DCLK1: variants seen among roughly 807,000 people sequenced by gnomAD.
The protein encoded by DCLK1 is doublecortin like kinase 1, also known as serine/threonine-protein kinase DCLK1.
DCLK1 carries 16 observed loss-of-function variants against 86.2 expected under a neutral mutation model. The ratio of observed to expected loss-of-function variants is 0.19; its 90% CI spans 0.13 to 0.28. The LOEUF (loss-of-function observed/expected upper bound fraction) is 0.28, where lower values mean the gene tolerates loss of function less well. Among genes scored for constraint, DCLK1 ranks in the 10% least tolerant of loss-of-function variants. The pLI, the probability that DCLK1 is intolerant of heterozygous loss-of-function variation, is 1.00. For missense variants in DCLK1, 590 were observed against 940.2 expected (o/e 0.63, Z 4.87); for synonymous variants, 369 against 370.5 (o/e 1.00, Z 0.05).
At chr13:36,026,928 G>A (rs1237724634) in intron 3 of DCLK1, among the ~76,000 whole-genome samples, 1 of 152,192 alleles carries the variant, frequency 6.6e-6, no homozygotes, top group East Asian at 1.9e-4. Flanking sequence ...TATTGATATA[G>A]AGAGCTACCC....
At chr13:36,106,088 A>T (rs185702883) in intron 3 of DCLK1, among the ~76,000 whole-genome samples, 24 of 152,376 alleles carry the variant, frequency 1.6e-4, no homozygotes, top group East Asian at 1.3e-3. Context: ...TTCATTTTAC[A>T]GCGAGCTAGA....
intron 3 of DCLK1, among the ~76,000 whole-genome samples, chr13:36,095,253 T>C (rs911217225): frequency 3.9e-5 from 6 of 151,946 alleles, no homozygotes; most frequent in African/African-American, 7.2e-5. Context: ...TCGCCCAGGC[T>C]AGAGTGCCGT....
chr13:36,021,198 T>G (rs1225486017), intron 3 of DCLK1, among the ~76,000 whole-genome samples: 9 of 151,618 alleles, frequency 5.9e-5, no homozygotes, highest in African/African-American at 2.2e-4. Context: ...CTAGATTGTC[T>G]TATGATGATA....
In DCLK1 at chr13:36,092,289, A is replaced by G. The variant is rs1196076712; in HGVS notation, c.723+19580T>C. 2.0e-5 allele frequency among the ~76,000 whole-genome samples: 3 copies of G among 152,098 alleles called. No individual in the cohort carries two copies. The East Asian group carries it at 5.8e-4, about 29-fold the overall frequency. ...TTTCCTCATCTGTAAAAGAGAAAAA[A>G]ATAGTACTTACCTTCTAGAGTTGGT... On this transcript the variant is annotated intron_variant, in intron 3 of 16. Coordinates refer to ENST00000360631, the MANE Select transcript of DCLK1 (RefSeq NM_001330071.2).
In DCLK1 at chr13:36,044,000, T is replaced by G. The variant is rs560382188; in HGVS notation, c.723+67869A>C. ...TCTCATATTGAAATCTGATCCCCCA[T>G]GTTGGAGAGGGGCCTAGTGGGCGGT... On this transcript the variant is annotated intron_variant, in intron 3 of 16. Coordinates refer to ENST00000360631, the MANE Select transcript of DCLK1 (RefSeq NM_001330071.2). 3.3e-5 allele frequency among the ~76,000 whole-genome samples: 5 copies of G among 152,152 alleles called. No individual in the cohort carries two copies. In the South Asian group the frequency reaches 6.2e-4, roughly 19 times the overall value.
At chr13:35,958,201 CCAT>C (rs1878208060) in intron 3 of DCLK1, among the ~76,000 whole-genome samples, 6 of 148,260 alleles carry the variant, frequency 4.0e-5, no homozygotes, top group Non-Finnish European at 6.0e-5. Flanking sequence ...ACCACCACCA[CCAT>C]TATAACCATC....
At chr13:36,123,343 G>GA (rs1886059058) in intron 2 of DCLK1, among the ~76,000 whole-genome samples, 2 of 152,020 alleles carry the variant, frequency 1.3e-5, no homozygotes, top group African/African-American at 2.4e-5. Flanking sequence ...TTATGAATTA[G>GA]AAAAAAAATC....
intron 3 of DCLK1, among the ~76,000 whole-genome samples, chr13:36,078,261 CAT>C (rs1416491870): frequency 6.6e-6 from 1 of 152,196 alleles, no homozygotes; most frequent in Non-Finnish European, 1.5e-5. Context: ...CTATGAGAAA[CAT>C]ATGTTTGCTG....
intron 5 of DCLK1, among the ~76,000 whole-genome samples, chr13:35,864,556 C>T (rs1871642279): frequency 1.9e-5 from 1 of 52,262 alleles, no homozygotes; most frequent in African/African-American, 1.1e-4. Context: ...CAGAGCGAGA[C>T]TCCGTCTCAA....
intron 4 of DCLK1, among the ~76,000 whole-genome samples, chr13:35,921,873 G>A (rs1282924708): frequency 6.6e-6 from 1 of 152,172 alleles, no homozygotes; most frequent in East Asian, 1.9e-4. Flanking sequence ...TGCCACCCCA[G>A]GAGCTGGGAG....
intron 4 of DCLK1, among the ~76,000 whole-genome samples, chr13:35,915,366 A>G (rs1461223941): frequency 1.3e-5 from 2 of 152,154 alleles, no homozygotes; most frequent in Non-Finnish European, 2.9e-5. Flanking sequence ...GTATCCCCAA[A>G]CTATATTCCC....
chr13:35,903,475 G>A (rs532638192), intron 4 of DCLK1, among the ~76,000 whole-genome samples: 7 of 151,710 alleles, frequency 4.6e-5, no homozygotes, highest in African/African-American at 1.7e-4. Context: ...CTATTTCATT[G>A]CCATCTACTT....
intron 4 of DCLK1, among the ~76,000 whole-genome samples, chr13:35,912,727 T>C (rs1875117693): frequency 6.6e-6 from 1 of 152,154 alleles, no homozygotes; most frequent in African/African-American, 2.4e-5. Context: ...ACCCACTGAG[T>C]GCAAGTACCC....
chr13:36,109,113 C>T (rs1303692976), intron 3 of DCLK1, among the ~76,000 whole-genome samples: 1 of 152,116 alleles, frequency 6.6e-6, no homozygotes, highest in African/African-American at 2.4e-5. Flanking sequence ...CACTGGGAAC[C>T]CAACGAATAA....
intron 3 of DCLK1, among the ~76,000 whole-genome samples, chr13:36,018,570 A>G (rs983383470): frequency 4.6e-5 from 7 of 152,294 alleles, no homozygotes; most frequent in South Asian, 2.1e-4. Context: ...ATCAAAATGT[A>G]TGCTTCTTTT....
intron 3 of DCLK1, among the ~76,000 whole-genome samples, chr13:35,992,212 T>C (rs1158164415): frequency 2.0e-5 from 3 of 152,194 alleles, no homozygotes; most frequent in Non-Finnish European, 4.4e-5. Context: ...CGTTCAATTC[T>C]GTTTTGAAAC....
At position 35,804,744 on chromosome 13, in the gene DCLK1, T is replaced by C. The variant is rs371368986; in HGVS notation, c.1944+955A>G. Among the ~76,000 whole-genome samples the C allele has an allele frequency of 1.7e-4, 26 of 152,230 alleles. No individual in the cohort carries two copies. In the East Asian group the frequency reaches 4.6e-3, roughly 27 times the overall value. ...CACTGCGCCCAGCCAACTATGAGTA[T>C]TATTAATCAAAACAAATTTCACCCA... On this transcript the variant is annotated intron_variant, in intron 15 of 16. Transcript: ENST00000360631.
intron 15 of DCLK1, among the ~76,000 whole-genome samples, chr13:35,795,925 C>CAAAAAAAAAAAAAAAAAAAACAAAAAA (rs36039528): frequency 1.1e-5 from 1 of 90,126 alleles, no homozygotes; most frequent in Non-Finnish European, 2.2e-5. Flanking sequence ...AACTCCATCT[C>CAAAAAAAAAAAAAAAAAAAACAAAAAA]AAAAAAAAAA....
chr13:35,993,740 A>G (rs1880348682), intron 3 of DCLK1, among the ~76,000 whole-genome samples: 1 of 152,144 alleles, frequency 6.6e-6, no homozygotes, highest in Non-Finnish European at 1.5e-5. Flanking sequence ...TGATGGTAAT[A>G]ACATCATCAA....
Sources: allele counts gnomAD v4.1 joint callset (sites outside exome capture counted in the v4.1 genomes callset), GRCh38; gene constraint gnomAD v4.1.1; transcripts MANE v1.5; gene names NCBI Gene and HGNC (gene_info 2026-07-23, HGNC 2026-07-21).